Variants in ZC2HC1C observed in about 807,000 individuals in gnomAD.
ZC2HC1C encodes the protein zinc finger C2HC domain-containing protein 1C.
Under a neutral mutation model 39.2 loss-of-function variants are expected in ZC2HC1C, and 25 were observed. That is an observed-to-expected ratio of 0.64 (90% CI 0.47 to 0.89). ZC2HC1C has a LOEUF of 0.89. ZC2HC1C is among the 40% of genes least tolerant of loss of function. The pLI, the probability that ZC2HC1C is intolerant of heterozygous loss-of-function variation, is 0.00. For missense variants in ZC2HC1C, 519 were observed against 548.6 expected, an observed-to-expected ratio of 0.95 and a Z score of 0.54; for synonymous variants, 209 against 214.4, an observed-to-expected ratio of 0.97 and a Z score of 0.22.
At chr14:75,072,712 G>A (rs1893485344) in intron 2 of ZC2HC1C, among the ~76,000 whole-genome samples, 1 of 152,112 alleles carries the variant, frequency 6.6e-6, no homozygotes, top group Non-Finnish European at 1.5e-5. Flanking sequence ...TGTGCCACTT[G>A]GTTTATAAAA....
chr14:75,072,406 A>G (rs1893470234), intron 2 of ZC2HC1C, among the ~76,000 whole-genome samples: 1 of 151,972 alleles, frequency 6.6e-6, no homozygotes, highest in African/African-American at 2.4e-5. Context: ...TTAACTATTC[A>G]CTCTTTTAAG....
chr14:75,076,469 C>T (rs1348098762), intron 2 of ZC2HC1C, among the ~76,000 whole-genome samples: 2 of 152,120 alleles, frequency 1.3e-5, no homozygotes, highest in African/African-American at 4.8e-5. Flanking sequence ...GGGATTTCAC[C>T]GTCTTAGCCA....
rs1280231541 is a variant in ZC2HC1C at position 75,078,617 on chromosome 14, C to T, written c.*1053C>T. On this transcript the variant is annotated 3_prime_UTR_variant, in exon 3 of 3. Coordinates refer to ENST00000524913, the MANE Select transcript of ZC2HC1C (RefSeq NM_024643.4). ...TACCATCAAAGCAAGCTGAGACAGG[C>T]TGGTCATGGTGGCTCATTCCTATAA... The T allele has an allele frequency of 6.6e-6, 1 of 152,152 alleles. No individual in the cohort carries two copies. The highest frequency in any genetic ancestry group is 1.9e-4 in the East Asian group (1 of 5,186). 9.4% of individuals were successfully genotyped at this position (152,152 alleles called of 1,614,324 possible).
chr14:75,079,825 T>C lies in ZC2HC1C; in HGVS notation c.*2261T>C, dbSNP rs556278408. 1 of 152,218 alleles carries C rather than the reference T, an allele frequency of 6.6e-6. No individual in the cohort carries two copies. Among genetic ancestry groups the C allele is most frequent in the Non-Finnish European group, 1.5e-5 (1 of 68,058 alleles). 9.4% of individuals were successfully genotyped at this position (152,218 alleles called of 1,614,324 possible). A position where few individuals can be genotyped will look rare whatever the true frequency, so the allele number is the denominator to read the frequency against. On this transcript the variant is annotated 3_prime_UTR_variant, in exon 3 of 3. Transcript: ENST00000524913. ...GCTTCACTTCTTTACCTTATCTGCC[T>C]GGTACCACAGGCACTTGGATTTGGG...
At chr14:75,074,025 T>C (rs950183432) in intron 2 of ZC2HC1C, among the ~76,000 whole-genome samples, 12 of 152,086 alleles carry the variant, frequency 7.9e-5, no homozygotes, top group African/African-American at 2.7e-4. Context: ...ATTCTCTGCC[T>C]CAGTCTCCTG....
chr14:75,075,160 A>G (rs183226915), intron 2 of ZC2HC1C, among the ~76,000 whole-genome samples: 2 of 152,248 alleles, frequency 1.3e-5, no homozygotes, highest in South Asian at 2.1e-4. Context: ...GATATCAGAC[A>G]TCTGTTAACG....
intron 2 of ZC2HC1C, among the ~76,000 whole-genome samples, chr14:75,072,658 A>AT (rs1476354778): frequency 6.6e-6 from 1 of 152,240 alleles, no homozygotes; most frequent in Non-Finnish European, 1.5e-5. Context: ...ACATTTGGAC[A>AT]TATCTGGAGA....
At chr14:75,073,239 A>G (rs1414074362) in intron 2 of ZC2HC1C, among the ~76,000 whole-genome samples, 6 of 152,236 alleles carry the variant, frequency 3.9e-5, no homozygotes, top group Non-Finnish European at 8.8e-5. Context: ...CAAAGAAGAA[A>G]TCAGCATTTT....
Position 75,070,948 on chromosome 14 carries a change from T to C in ZC2HC1C, c.375T>C (p.Phe125=), listed in dbSNP as rs1893356282. ...ATCCCAAAGCCAATAACCAGGACTTTATCCCCTTTACAAAGAAACGAGTTG... is the reference window on the plus strand; with the variant it reads ...ATCCCAAAGCCAATAACCAGGACTTCATCCCCTTTACAAAGAAACGAGTTG... ...SWYPKANNQD[F]IPFTKKRVGV... The change falls in exon 2 of 3, where the codon TTT becomes TTC. Residue 125 remains phenylalanine, a synonymous_variant. Coordinates refer to ENST00000524913, the MANE Select transcript of ZC2HC1C (RefSeq NM_024643.4). The C allele has an allele frequency of 1.9e-6, 3 of 1,614,204 alleles. No homozygotes were observed. Among genetic ancestry groups the C allele is most frequent in the South Asian group, 1.1e-5 (1 of 91,088 alleles).
At chr14:75,075,646 T>C (rs1351765489) in intron 2 of ZC2HC1C, among the ~76,000 whole-genome samples, 1 of 152,246 alleles carries the variant, frequency 6.6e-6, no homozygotes, top group Non-Finnish European at 1.5e-5. Context: ...CGGGATTCTC[T>C]ATTTATTTTG....
intron 2 of ZC2HC1C, among the ~76,000 whole-genome samples, chr14:75,076,631 C>G (rs939328590): frequency 2.6e-5 from 4 of 152,088 alleles, no homozygotes; most frequent in Non-Finnish European, 5.9e-5. Context: ...CTTTCTGGTT[C>G]TCTGGTTGTC....
Position 75,070,967 on chromosome 14 carries a change from CGAGTTG to C in ZC2HC1C, c.399_404del (p.Gly134_Val135del), listed in dbSNP as rs1390294998. 1 of 1,614,130 alleles carries C rather than the reference CGAGTTG, an allele frequency of 6.2e-7. No homozygotes were observed. Among genetic ancestry groups the C allele is most frequent in the African/African-American group, 1.3e-5 (1 of 75,016 alleles). On this transcript the variant is annotated inframe_deletion, in exon 2 of 3. Coordinates refer to ENST00000524913, the MANE Select transcript of ZC2HC1C (RefSeq NM_024643.4). The stretch of plus-strand genomic sequence containing the variant: ...GGACTTTATCCCCTTTACAAAGAAA[CGAGTTG>C]GAGTGGACCGGGCGTTCCCATTGAA...
Position 75,071,353 on chromosome 14 carries a change from C to A in ZC2HC1C, c.780C>A (p.Asn260Lys). The change falls in exon 2 of 3, where the codon AAC (asparagine) becomes AAA (lysine). Residue 260 changes from asparagine to lysine, a missense_variant. Transcript: ENST00000524913. ...AGGAACAGGCCAAGGAAAATGAAAA[C>A]GGAGAGCTACAGAAAATTATACTCC... ...TQKEQAKENE[N>K]GELQKIILPR... 6.2e-7 allele frequency: 1 copy of A among 1,613,866 alleles called. No individual in the cohort carries two copies. The highest frequency in any genetic ancestry group is 8.5e-7 in the Non-Finnish European group (1 of 1,179,964).
Position 75,079,978 on chromosome 14 carries a change from T to G in ZC2HC1C, c.*2414T>G, listed in dbSNP as rs549895997. 6.6e-6 allele frequency: 1 copy of G among 152,214 alleles called. No individual in the cohort carries two copies. Among genetic ancestry groups the G allele is most frequent in the Non-Finnish European group, 1.5e-5 (1 of 68,038 alleles). The allele number at this position is 152,214 out of a possible 1,614,324, so 9.4% of individuals were successfully genotyped here. On this transcript the variant is annotated 3_prime_UTR_variant, in exon 3 of 3. Transcript: ENST00000524913. ...TCATTTTGCTAAAGAAATAAAACAATAGTCAATGCCTTAAGTGTTCCCTTT... is the reference window on the plus strand; with the variant it reads ...TCATTTTGCTAAAGAAATAAAACAAGAGTCAATGCCTTAAGTGTTCCCTTT...
At chr14:75,075,664 G>A (rs1411725404) in intron 2 of ZC2HC1C, among the ~76,000 whole-genome samples, 1 of 151,990 alleles carries the variant, frequency 6.6e-6, no homozygotes, top group Non-Finnish European at 1.5e-5. Flanking sequence ...TTGAAATTCT[G>A]AAACTTTACA....
At chr14:75,076,842 T>G (rs573075052) in intron 2 of ZC2HC1C, among the ~76,000 whole-genome samples, 5 of 152,310 alleles carry the variant, frequency 3.3e-5, no homozygotes, top group Admixed American at 3.3e-4. Flanking sequence ...GGCTGTCCTT[T>G]CATATTTAAG....
At position 75,071,431 on chromosome 14, in the gene ZC2HC1C, C is replaced by A; in HGVS notation, c.858C>A (p.Phe286Leu). ...NKSNTMYKPI[F>L]SPEFEFEEEF... ...GCAACACCATGTACAAACCTATCTTCTCCCCAGAATTTGAGTTTGAGGAAG... is the reference window on the plus strand; with the variant it reads ...GCAACACCATGTACAAACCTATCTTATCCCCAGAATTTGAGTTTGAGGAAG... Residue 286 changes from phenylalanine (F) to leucine (L), a missense_variant, in exon 2 of 3, where the codon TTC (phenylalanine) becomes TTA (leucine). Transcript: ENST00000524913. The A allele has an allele frequency of 1.9e-6, 3 of 1,614,194 alleles. No homozygotes were observed. The highest frequency in any genetic ancestry group is 1.3e-5 in the African/African-American group (1 of 75,048).
At chr14:75,077,433 A>G in intron 2 of ZC2HC1C, 99 bp from the exon 3 acceptor site, 1 of 1,494,430 alleles carries the variant, frequency 6.7e-7, no homozygotes, top group Non-Finnish European at 9.3e-7. Flanking sequence ...TTGACCTTGC[A>G]GATTAGTACC....
chr14:75,077,486 G>A (rs12589876), intron 2 of ZC2HC1C, 46 bp from the exon 3 acceptor site: 776,301 of 1,611,374 alleles, frequency 0.48, 194,614 homozygotes, highest in East Asian at 0.83. Flanking sequence ...ACTCAGGAAG[G>A]AGATAGGTGC....
Sources: allele counts gnomAD v4.1 joint callset (sites outside exome capture counted in the v4.1 genomes callset), GRCh38; gene constraint gnomAD v4.1.1; transcripts MANE v1.5; gene names NCBI Gene and HGNC (gene_info 2026-07-23, HGNC 2026-07-21).